FLNB: variants seen among roughly 807,000 people sequenced by gnomAD.
The protein encoded by FLNB is filamin B.
FLNB carries 111 observed loss-of-function variants against 250.6 expected under a neutral mutation model. The observed-to-expected ratio is 0.44, with a 90% CI of 0.38 to 0.52. The LOEUF (loss-of-function observed/expected upper bound fraction) is 0.52. FLNB is among the 20% of genes least tolerant of loss of function. The probability of loss-of-function intolerance (pLI) is 0.00; values close to 1 mark genes in which losing one functional copy is unlikely to be tolerated. For missense variants in FLNB, 2,869 were observed against 3,447.8 expected (o/e 0.83, Z 4.20); for synonymous variants, 1,302 against 1,372.1 (o/e 0.95, Z 1.13).
intron 23 of FLNB, 99 bp from the exon 24 acceptor site, chr3:58,126,503 G>A (rs2097298139): frequency 2.6e-5 from 30 of 1,156,688 alleles, no homozygotes; most frequent in South Asian, 5.1e-5. Flanking sequence ...GGGTGGCTAC[G>A]TGGAATAGTT....
intron 1 of FLNB, among the ~76,000 whole-genome samples, chr3:58,036,467 G>C (rs981487161): frequency 6.6e-6 from 1 of 152,006 alleles, no homozygotes; most frequent in Non-Finnish European, 1.5e-5. Flanking sequence ...ACGTTTTCTT[G>C]CTGTCTTCTG....
chr3:58,170,739 C>A lies in FLNB; in HGVS notation c.7786C>A (p.Pro2596Thr). 6.2e-7 allele frequency: 1 copy of A among 1,614,104 alleles called. No homozygotes were observed. Among genetic ancestry groups the A allele is most frequent in the African/African-American group, 1.3e-5 (1 of 75,014 alleles). ...GGGGGAGGAACACATCCCTGGCAGC[C>A]CTTTTCATGTCACAGTGCCTTAAAA... is the stretch of plus-strand genomic sequence containing the variant. ...KWGEEHIPGSPFHVTVP is the reference protein window; with the variant it reads ...KWGEEHIPGSTFHVTVP Residue 2596 changes from proline to threonine, a missense_variant, in exon 46 of 46, where the codon CCT (proline) becomes ACT (threonine). Physicochemically the swap from Pro to Thr is conservative, Grantham distance 38 (BLOSUM62 -1). This residue lies in a region of FLNB where 1,084 missense variants were observed against 1,315.5 expected (regional missense o/e 0.82). Coordinates refer to ENST00000295956, the MANE Select transcript of FLNB (RefSeq NM_001457.4).
chr3:58,135,388 C>T (rs2097314232), intron 27 of FLNB, among the ~76,000 whole-genome samples: 1 of 152,216 alleles, frequency 6.6e-6, no homozygotes, highest in African/African-American at 2.4e-5. Context: ...AAGGTCTCCT[C>T]CTGGACCATA....
chr3:58,073,391 C>T (rs764002373), intron 1 of FLNB, among the ~76,000 whole-genome samples: 6 of 151,934 alleles, frequency 3.9e-5, no homozygotes, highest in African/African-American at 7.3e-5. Context: ...TGTCTGGTCC[C>T]GTGGGGTGGA....
At chr3:58,159,071 ACT>A (rs1364168173) in intron 41 of FLNB, among the ~76,000 whole-genome samples, 1 of 152,004 alleles carries the variant, frequency 6.6e-6, no homozygotes, top group Non-Finnish European at 1.5e-5. Context: ...GCTATGGAGT[ACT>A]GCCTTCTTTG....
At chr3:58,028,646 T>A (rs1576604612) in intron 1 of FLNB, among the ~76,000 whole-genome samples, 2 of 150,120 alleles carry the variant, frequency 1.3e-5, no homozygotes, top group South Asian at 2.1e-4. Flanking sequence ...AAAGTTTCGC[T>A]CTTGTTGCCC....
chr3:58,107,800 G>A (rs537162670), intron 12 of FLNB, among the ~76,000 whole-genome samples: 62 of 152,356 alleles, frequency 4.1e-4, no homozygotes, highest in Middle Eastern at 6.8e-3. Flanking sequence ...CTGTCCATAG[G>A]CTGATGTCAG....
chr3:58,008,698 G>GC lies in FLNB; in HGVS notation c.135dup (p.Asp46ArgfsTer45). 6.2e-7 allele frequency: 1 copy of GC among 1,614,184 alleles called. No individual in the cohort carries two copies. The highest frequency in any genetic ancestry group is 8.5e-7 in the Non-Finnish European group (1 of 1,180,036). On this transcript the variant is annotated frameshift_variant, in exon 1 of 46. Transcript: ENST00000295956. LOFTEE classifies it high-confidence loss of function. The stretch of plus-strand genomic sequence containing the variant: ...ATCGGCAACCTGCAGACCGACCTGA[G>GC]CGACGGGCTGCGGCTCATCGCGCTG...
At chr3:58,056,500 GTT>G (rs1304765021) in intron 1 of FLNB, among the ~76,000 whole-genome samples, 1 of 152,090 alleles carries the variant, frequency 6.6e-6, no homozygotes, top group Admixed American at 6.6e-5. Context: ...GTGTGTTGGT[GTT>G]TATTGCTGTA....
chr3:58,147,532 C>T (rs998689981), intron 34 of FLNB, among the ~76,000 whole-genome samples: 30 of 152,312 alleles, frequency 2.0e-4, no homozygotes, highest in Non-Finnish European at 3.4e-4. Flanking sequence ...GATCCTGTTT[C>T]CCCACCGTAT....
intron 1 of FLNB, among the ~76,000 whole-genome samples, chr3:58,020,207 C>G (rs2097111763): frequency 1.3e-5 from 2 of 152,178 alleles, no homozygotes; most frequent in Admixed American, 1.3e-4. Context: ...TTTTCTTCTG[C>G]TACCTTGTTT....
At chr3:58,167,288 C>T (rs74637886) in intron 43 of FLNB, among the ~76,000 whole-genome samples, 157 of 152,240 alleles carry the variant, frequency 1.0e-3, no homozygotes, top group African/African-American at 3.3e-3. Flanking sequence ...AGATTAGATA[C>T]CATGATGAGG....
At chr3:58,066,537 G>A (rs1381439522) in intron 1 of FLNB, among the ~76,000 whole-genome samples, 2 of 151,984 alleles carry the variant, frequency 1.3e-5, no homozygotes, top group African/African-American at 4.8e-5. Flanking sequence ...TCCCTTCTTC[G>A]ACCTTTCTAA....
At chr3:58,113,835 C>T (rs989762160) in intron 18 of FLNB, among the ~76,000 whole-genome samples, 1 of 151,986 alleles carries the variant, frequency 6.6e-6, no homozygotes, top group Non-Finnish European at 1.5e-5. Flanking sequence ...CATGCCACCA[C>T]ACCTGGCTAA....
chr3:58,160,828 A>T (rs1472594318), intron 42 of FLNB, among the ~76,000 whole-genome samples: 2 of 150,278 alleles, frequency 1.3e-5, no homozygotes, highest in African/African-American at 2.4e-5. Flanking sequence ...AAAAAAAAGT[A>T]AAAAAAAAAT....
intron 23 of FLNB, among the ~76,000 whole-genome samples, chr3:58,126,325 A>G (rs1188113445): frequency 6.6e-6 from 1 of 152,192 alleles, no homozygotes; most frequent in Non-Finnish European, 1.5e-5. Flanking sequence ...GGTTGCAGTG[A>G]GCCGAGACCG....
intron 4 of FLNB, among the ~76,000 whole-genome samples, chr3:58,088,474 A>G (rs2097220949): frequency 6.6e-6 from 1 of 152,196 alleles, no homozygotes; most frequent in Non-Finnish European, 1.5e-5. Flanking sequence ...CCTGGGCTAT[A>G]CATAAGGAAA....
intron 1 of FLNB, among the ~76,000 whole-genome samples, chr3:58,067,192 T>G (rs1057233691): frequency 6.7e-5 from 3 of 44,694 alleles, no homozygotes; most frequent in African/African-American, 1.1e-4. Context: ...TTTAGCAGTC[T>G]TTTTTTTTTT....
chr3:58,095,229 G>GTATT (rs1553694995), intron 5 of FLNB, among the ~76,000 whole-genome samples: 255 of 147,810 alleles, frequency 1.7e-3, no homozygotes, highest in African/African-American at 4.0e-3. Context: ...GTTTATGTAT[G>GTATT]TATTTATTTA....
Sources: gnomAD v4.1 joint callset for allele counts (sites outside exome capture counted in the v4.1 genomes callset) on GRCh38, gnomAD v4.1.1 for gene constraint, gnomAD v4.1.1 regional missense constraint, MANE v1.5 for transcripts, NCBI Gene and HGNC (gene_info 2026-07-23, HGNC 2026-07-21) for gene names.